Variants in SPAG17 observed in about 807,000 individuals in gnomAD.
SPAG17 encodes sperm associated antigen 17, also known as sperm-associated antigen 17.
Under a neutral mutation model 273.6 loss-of-function variants are expected in SPAG17, and 169 were observed. That is an observed-to-expected ratio of 0.62 (90% CI 0.55 to 0.70). The LOEUF (loss-of-function observed/expected upper bound fraction) is 0.70. Ranked by LOEUF, SPAG17 falls within the 30% of genes least tolerant of loss-of-function variation. SPAG17 has a pLI of 0.00. For synonymous variants in SPAG17, 825 were observed against 873.2 expected, an observed-to-expected ratio of 0.94 and a Z score of 0.97; for missense variants, 2,557 against 2,627.8, an observed-to-expected ratio of 0.97 and a Z score of 0.59.
chr1:118,153,259 C>T (rs1374390731), intron 1 of SPAG17, among the ~76,000 whole-genome samples: 2 of 152,174 alleles, frequency 1.3e-5, no homozygotes, highest in African/African-American at 4.8e-5. Context: ...CATATGTTAT[C>T]TCATTGAATC....
chr1:118,028,474 G>T, intron 25 of SPAG17, 80 bp from the exon 26 acceptor site: 4 of 1,555,970 alleles, frequency 2.6e-6, no homozygotes, highest in Non-Finnish European at 3.5e-6. Context: ...GCCAGGATAT[G>T]CTGAGTGCTC....
At chr1:118,136,448 C>T (rs1051312875) in intron 3 of SPAG17, among the ~76,000 whole-genome samples, 1 of 152,122 alleles carries the variant, frequency 6.6e-6, no homozygotes, top group Non-Finnish European at 1.5e-5. Context: ...GAAAGGATAA[C>T]GAATATAATG....
chr1:118,014,946 G>A (rs2101796413), intron 29 of SPAG17, among the ~76,000 whole-genome samples: 1 of 152,248 alleles, frequency 6.6e-6, no homozygotes, highest in African/African-American at 2.4e-5. Flanking sequence ...CATTTGGTGT[G>A]AGGGCTGAAT....
chr1:118,040,024 T>C (rs746278396), intron 22 of SPAG17, among the ~76,000 whole-genome samples: 4 of 152,168 alleles, frequency 2.6e-5, no homozygotes, highest in Non-Finnish European at 2.9e-5. Flanking sequence ...TCAAATGATA[T>C]AATTAATGTT....
chr1:118,038,756 C>T (rs1555836), intron 23 of SPAG17, among the ~76,000 whole-genome samples: 87,069 of 151,850 alleles, frequency 0.57, 25,583 homozygotes, highest in African/African-American at 0.7. Flanking sequence ...TCAGTGATTA[C>T]CAGGGATTAG....
At chr1:118,092,067 G>C in intron 8 of SPAG17, 65 bp from the exon 9 acceptor site, 1 of 1,355,368 alleles carries the variant, frequency 7.4e-7, no homozygotes, top group Non-Finnish European at 1.1e-6. Context: ...CTCATCAAAT[G>C]CTGGTATGAT....
At chr1:118,182,839 A>G (rs573781306) in intron 1 of SPAG17, among the ~76,000 whole-genome samples, 1 of 152,316 alleles carries the variant, frequency 6.6e-6, no homozygotes, top group African/African-American at 2.4e-5. Context: ...CCCAGCCCAT[A>G]TTCATCTTCC....
chr1:117,980,710 A>G (rs568582975), intron 43 of SPAG17, among the ~76,000 whole-genome samples: 1 of 152,344 alleles, frequency 6.6e-6, no homozygotes, highest in South Asian at 2.1e-4. Flanking sequence ...TTTGTGATCA[A>G]CTATATTTAG....
At chr1:117,973,685 C>CTTAT in intron 43 of SPAG17, 124 bp from the exon 44 acceptor site, 1 of 839,236 alleles carries the variant, frequency 1.2e-6, no homozygotes, top group East Asian at 3.0e-5. Flanking sequence ...TTTCAAAGAG[C>CTTAT]TTATTTATTT....
intron 1 of SPAG17, among the ~76,000 whole-genome samples, chr1:118,161,835 A>T (rs1037965831): frequency 6.6e-6 from 1 of 152,174 alleles, no homozygotes; most frequent in Non-Finnish European, 1.5e-5. Flanking sequence ...GCGTCCGGCC[A>T]GGGAAGGGTT....
At chr1:117,955,426 G>A (rs1652058720) in intron 48 of SPAG17, 14 of 1,420,608 alleles carry the variant, frequency 9.9e-6, no homozygotes, top group South Asian at 2.4e-5. Context: ...TTATCTGAAC[G>A]GGAAATAAAT....
chr1:118,009,201 T>G (rs1261699230), intron 30 of SPAG17, among the ~76,000 whole-genome samples: 5 of 151,834 alleles, frequency 3.3e-5, no homozygotes, highest in African/African-American at 1.2e-4. Flanking sequence ...CAATAACTTG[T>G]ATTGTATAAT....
At chr1:118,072,204 A>G (rs1653669259) in intron 17 of SPAG17, among the ~76,000 whole-genome samples, 1 of 152,226 alleles carries the variant, frequency 6.6e-6, no homozygotes, top group African/African-American at 2.4e-5. Context: ...TTAATTTAGC[A>G]TTTACTATAA....
Position 118,025,300 on chromosome 1 carries a change from C to G in SPAG17, c.3847G>C (p.Ala1283Pro). 2 of 1,613,692 alleles carry G rather than the reference C, an allele frequency of 1.2e-6. No individual in the cohort carries two copies. The highest frequency in any genetic ancestry group is 1.7e-6 in the Non-Finnish European group (2 of 1,179,800). The change falls in exon 27 of 49, where the codon GCT becomes CCT. Residue 1283 changes from alanine to proline, a missense_variant. By Grantham distance (27) the Ala-to-Pro change is conservative. Coordinates refer to ENST00000336338, the MANE Select transcript of SPAG17 (RefSeq NM_206996.4). The stretch of plus-strand genomic sequence containing the variant: ...CCTTGACTGGTGATAACCCTTGAAG[C>G]CTCCTGCTCTGCGGGTGGCATCACC... ...KTVMPPAEQE[A>P]SRVITSQGTV...
In SPAG17 at chr1:118,028,354, A is replaced by C. The variant is rs1382287597; in HGVS notation, c.3650T>G (p.Leu1217Trp). 8 of 1,613,774 alleles carry C rather than the reference A, an allele frequency of 5.0e-6. No homozygotes were observed. In the African/African-American group the frequency reaches 1.1e-4, roughly 22 times the overall value. The part of the protein sequence containing the change: ...VEPEPVLQET[L>W]DVPTFQSLNV... ...TAGGCTCTGGAAGGTGGGAACATCCAAAGTCTCTTGTAAAACAGGTTCTGG... is the reference window on the plus strand; with the variant it reads ...TAGGCTCTGGAAGGTGGGAACATCCCAAGTCTCTTGTAAAACAGGTTCTGG... Residue 1217 changes from leucine (L) to tryptophan (W), a missense_variant, in exon 26 of 49, where the codon TTG becomes TGG. Leu to Trp is a moderately conservative substitution (Grantham distance 61). Coordinates refer to ENST00000336338, the MANE Select transcript of SPAG17 (RefSeq NM_206996.4).
Position 118,097,720 on chromosome 1 carries a change from T to C in SPAG17, c.961A>G (p.Met321Val), listed in dbSNP as rs771767319. Reference sequence around the variant, plus strand: ...GAAGGAAAATCAGCTGCTTTGACCATGTACTCAAGTCGAGCAACATCAAAG... The same window carrying C: ...GAAGGAAAATCAGCTGCTTTGACCACGTACTCAAGTCGAGCAACATCAAAG... ...NLFDVARLEY[M>V]VKAADFPSDW... The change falls in exon 7 of 49, where the codon ATG becomes GTG. Residue 321 changes from methionine to valine, a missense_variant. Met to Val is a conservative substitution (Grantham distance 21, BLOSUM62 1). Transcript: ENST00000336338. 7.5e-6 allele frequency: 12 copies of C among 1,610,544 alleles called. No individual in the cohort carries two copies. The highest frequency in any genetic ancestry group is 1.6e-4 in the Middle Eastern group (1 of 6,074).
chr1:117,994,304 T>C, intron 35 of SPAG17, 102 bp downstream of exon 35: 1 of 1,240,782 alleles, frequency 8.1e-7, no homozygotes, highest in African/African-American at 1.5e-5. Flanking sequence ...TACATAAGAA[T>C]GAAAATATAT....
chr1:118,096,353 CTT>C (rs5777333), intron 7 of SPAG17, among the ~76,000 whole-genome samples: 1 of 146,234 alleles, frequency 6.8e-6, no homozygotes, highest in East Asian at 2.0e-4. Context: ...AGACAGTCGG[CTT>C]TTTTTTTTTT....
intron 48 of SPAG17, among the ~76,000 whole-genome samples, chr1:117,957,465 A>G (rs1160722704): frequency 6.6e-6 from 1 of 152,224 alleles, no homozygotes; most frequent in Non-Finnish European, 1.5e-5. Flanking sequence ...TACATTGCTC[A>G]GGAATGCTTA....
Sources: gnomAD v4.1 joint callset for allele counts (sites outside exome capture counted in the v4.1 genomes callset) on GRCh38, gnomAD v4.1.1 for gene constraint, MANE v1.5 for transcripts, NCBI Gene and HGNC (gene_info 2026-07-23, HGNC 2026-07-21) for gene names.